The following RBFOX1 variants were observed in gnomAD, a reference collection of about 807,000 sequenced individuals.
The protein encoded by RBFOX1 is RNA binding fox-1 homolog 1.
A neutral mutation model predicts 57.7 loss-of-function variants in RBFOX1; 8 were observed. The ratio of observed to expected loss-of-function variants is 0.14; its 90% CI spans 0.08 to 0.25. The LOEUF is 0.25. RBFOX1 is among the 10% of genes least tolerant of loss of function. The pLI is 1.00. For synonymous variants in RBFOX1, 326 were observed against 222.4 expected (o/e 1.47, Z -4.15); for missense variants, 611 against 548.5 (o/e 1.11, Z -1.14).
chr16:7,581,558 A>G (rs2093764002), intron 6 of RBFOX1, among the ~76,000 whole-genome samples: 2 of 152,172 alleles, frequency 1.3e-5, no homozygotes. Flanking sequence ...TGCAGGCTAC[A>G]ATGCTAAGTC....
In RBFOX1 at chr16:7,332,724, G is replaced by C. The variant is rs535271245; in HGVS notation, c.28-185423G>C. 1.0e-5 allele frequency: 13 copies of C among 1,269,290 alleles called. No individual in the cohort carries two copies. In the East Asian group the frequency reaches 3.5e-4, roughly 34 times the overall value. 78.6% of individuals were successfully genotyped at this position (1,269,290 alleles called of 1,614,324 possible). The stretch of plus-strand genomic sequence containing the variant: ...TAATGAAGAGTATTTGGTTAGTCAT[G>C]TTAGGCAAGCTGTTCCCAAAATAGC... On this transcript the variant is annotated intron_variant, in intron 4 of 15. Coordinates refer to ENST00000550418, the MANE Select transcript of RBFOX1 (RefSeq NM_018723.4).
At chr16:6,263,750 G>A (rs1237119647) in intron 1 of RBFOX1, among the ~76,000 whole-genome samples, 1 of 152,094 alleles carries the variant, frequency 6.6e-6, no homozygotes, top group African/African-American at 2.4e-5. Flanking sequence ...CTCCTACAAA[G>A]CACCCTGCCA....
chr16:6,697,866 TAGA>T (rs2061286408), intron 3 of RBFOX1, among the ~76,000 whole-genome samples: 1 of 152,152 alleles, frequency 6.6e-6, no homozygotes. Flanking sequence ...GCCCAGACAG[TAGA>T]AGAACAATTG....
chr16:5,285,055 A>C lies in RBFOX1; in HGVS notation c.219+44950A>C, dbSNP rs536623474. On this transcript the variant is annotated intron_variant, in intron 1 of 2. Coordinates refer to the RBFOX1 transcript ENST00000585867. The stretch of plus-strand genomic sequence containing the variant: ...TATTATTTTATTAAATAGGTTTTCT[A>C]TGCCTTTACCCATCTCATCTCCATC... 5.9e-5 allele frequency among the ~76,000 whole-genome samples: 9 copies of C among 152,206 alleles called. No homozygotes were observed. The South Asian group carries it at 1.5e-3, about 25-fold the overall frequency.
intron 3 of RBFOX1, among the ~76,000 whole-genome samples, chr16:5,724,377 C>G (rs569933952): frequency 2.0e-5 from 3 of 152,250 alleles, no homozygotes; most frequent in African/African-American, 7.2e-5. Context: ...TGAGAGCATT[C>G]AGGAGCTGCA....
intron 4 of RBFOX1, among the ~76,000 whole-genome samples, chr16:5,941,703 G>C (rs75848475): frequency 0.032 from 4,906 of 151,974 alleles, 306 homozygotes; most frequent in East Asian, 0.21. Context: ...AACTAGCCAG[G>C]AATTATCCCA....
chr16:5,592,421 T>C (rs1336166114), intron 2 of RBFOX1, among the ~76,000 whole-genome samples: 1 of 151,890 alleles, frequency 6.6e-6, no homozygotes, highest in Non-Finnish European at 1.5e-5. Flanking sequence ...TAAAAATCTT[T>C]TTTTTTTTTT....
intron 1 of RBFOX1, among the ~76,000 whole-genome samples, chr16:5,373,493 T>C (rs1021535669): frequency 1.3e-5 from 2 of 152,188 alleles, no homozygotes; most frequent in African/African-American, 4.8e-5. Flanking sequence ...TCTGCCCATG[T>C]AAGACGCACC....
At chr16:7,195,569 A>C (rs9806941) in intron 4 of RBFOX1, among the ~76,000 whole-genome samples, 58,495 of 151,938 alleles carry the variant, frequency 0.38, 11,610 homozygotes, top group Non-Finnish European at 0.42. Flanking sequence ...TTGTTTGTTT[A>C]TTTATTGAGA....
chr16:5,980,727 G>A lies in RBFOX1; in HGVS notation c.351+113392G>A, dbSNP rs187485982. Among the ~76,000 whole-genome samples, 4 of 152,208 alleles carry A rather than the reference G, an allele frequency of 2.6e-5. No homozygotes were observed. The East Asian group carries it at 5.8e-4, about 22-fold the overall frequency. ...TCTTAGTGCTTCTGGTGGCCTGAAA[G>A]AGCAAATAGCAGGTAGGTGTGTGTG... On this transcript the variant is annotated intron_variant, in intron 4 of 19. Transcript: ENST00000641259.
chr16:5,672,478 C>G (rs1367059114), intron 3 of RBFOX1, among the ~76,000 whole-genome samples: 2 of 152,112 alleles, frequency 1.3e-5, no homozygotes, highest in East Asian at 1.9e-4. Flanking sequence ...TTTGGGTGCA[C>G]CTCATTCTTT....
chr16:6,578,598 C>T (rs4786106), intron 2 of RBFOX1, among the ~76,000 whole-genome samples: 57 of 110,728 alleles, frequency 5.1e-4, no homozygotes, highest in East Asian at 1.1e-3. Context: ...GGTGTGTGTG[C>T]GTGTGTGTGT....
chr16:5,423,881 G>C (rs1276306969), intron 1 of RBFOX1, among the ~76,000 whole-genome samples: 1 of 152,090 alleles, frequency 6.6e-6, no homozygotes, highest in African/African-American at 2.4e-5. Flanking sequence ...ATTGCCTTTT[G>C]TTCAAGCATC....
At chr16:5,988,319 A>T (rs1468100282) in intron 4 of RBFOX1, among the ~76,000 whole-genome samples, 4 of 152,254 alleles carry the variant, frequency 2.6e-5, no homozygotes, top group African/African-American at 9.6e-5. Flanking sequence ...TGTGATATTC[A>T]AAATAAATGC....
intron 3 of RBFOX1, among the ~76,000 whole-genome samples, chr16:5,622,538 C>A (rs528426269): frequency 7.8e-4 from 119 of 152,286 alleles, no homozygotes; most frequent in African/African-American, 2.8e-3. Flanking sequence ...TGACTCTTGT[C>A]CTTTTCTCTA....
At chr16:6,568,213 TG>T (rs1262459896) in intron 2 of RBFOX1, among the ~76,000 whole-genome samples, 1 of 152,196 alleles carries the variant, frequency 6.6e-6, no homozygotes, top group Non-Finnish European at 1.5e-5. Context: ...TCCAGGAATC[TG>T]GGAGTGGCTC....
chr16:6,849,527 G>C (rs917976911), intron 3 of RBFOX1, among the ~76,000 whole-genome samples: 2 of 152,022 alleles, frequency 1.3e-5, no homozygotes, highest in African/African-American at 4.8e-5. Context: ...AAATTAGCTG[G>C]GTATGGTGGT....
At chr16:5,329,422 CT>C (rs2064682173) in intron 1 of RBFOX1, among the ~76,000 whole-genome samples, 1 of 152,154 alleles carries the variant, frequency 6.6e-6, no homozygotes, top group Non-Finnish European at 1.5e-5. Flanking sequence ...CAATAACTCA[CT>C]CCGTATGACA....
At chr16:6,399,700 C>T (rs567477393) in intron 2 of RBFOX1, among the ~76,000 whole-genome samples, 2 of 152,328 alleles carry the variant, frequency 1.3e-5, no homozygotes, top group Non-Finnish European at 2.9e-5. Flanking sequence ...ACTCCACTAC[C>T]TCAATAACAG....
Sources: allele counts gnomAD v4.1 joint callset (sites outside exome capture counted in the v4.1 genomes callset), GRCh38; gene constraint gnomAD v4.1.1; transcripts MANE v1.5; gene names NCBI Gene and HGNC (gene_info 2026-07-23, HGNC 2026-07-21).